CEP70: variants seen among roughly 807,000 people sequenced by gnomAD.
CEP70 encodes centrosomal protein of 70 kDa.
A neutral mutation model predicts 90.9 loss-of-function variants in CEP70; 70 were observed. The ratio of observed to expected loss-of-function variants is 0.77; its 90% confidence interval spans 0.64 to 0.94. The LOEUF is 0.94. Ranked by LOEUF, CEP70 falls within the 40% of genes least tolerant of loss-of-function variation. The probability of loss-of-function intolerance (pLI) is 0.00; values close to 1 mark genes in which losing one functional copy is unlikely to be tolerated. For synonymous variants in CEP70, 220 were observed against 228.3 expected (o/e 0.96, Z 0.33); for missense variants, 648 against 669.0 (o/e 0.97, Z 0.35).
At chr3:138,579,539 T>C (rs559815578) in intron 2 of CEP70, among the ~76,000 whole-genome samples, 2 of 151,752 alleles carry the variant, frequency 1.3e-5, no homozygotes, top group African/African-American at 4.8e-5. Flanking sequence ...CACAGTAGGA[T>C]AGGGCACTGA....
intron 6 of CEP70, among the ~76,000 whole-genome samples, chr3:138,553,082 T>C (rs1267670971): frequency 3.9e-5 from 6 of 151,994 alleles, no homozygotes; most frequent in Non-Finnish European, 8.8e-5. Context: ...CTAGAGGAGA[T>C]GGGTAAATTC....
chr3:138,547,663 A>G (rs2039314001), intron 6 of CEP70, among the ~76,000 whole-genome samples: 1 of 152,150 alleles, frequency 6.6e-6, no homozygotes, highest in Non-Finnish European at 1.5e-5. Flanking sequence ...TCTTGGGCCT[A>G]TTATTAAGTA....
At chr3:138,524,424 C>G (rs2036997667) in intron 11 of CEP70, among the ~76,000 whole-genome samples, 1 of 152,170 alleles carries the variant, frequency 6.6e-6, no homozygotes, top group African/African-American at 2.4e-5. Context: ...AAACTACCAT[C>G]AGAGTGAACA....
chr3:138,524,207 C>T lies in CEP70; in HGVS notation c.944+1283G>A, dbSNP rs200479961. 2.5e-4 allele frequency among the ~76,000 whole-genome samples: 38 copies of T among 151,676 alleles called. No homozygotes were observed. In the East Asian group the frequency reaches 4.1e-3, roughly 16 times the overall value. On this transcript the variant is annotated intron_variant, in intron 11 of 17. Coordinates refer to ENST00000264982, the MANE Select transcript of CEP70 (RefSeq NM_024491.4). ...CTGAAACTGGATTCCTTCCTTACAC[C>T]TTATACAAAAATTAATTCAAGATGG...
intron 6 of CEP70, among the ~76,000 whole-genome samples, chr3:138,542,455 C>T (rs1009713849): frequency 3.9e-5 from 6 of 152,184 alleles, no homozygotes; most frequent in African/African-American, 1.2e-4. Context: ...CGCAGCAAGT[C>T]GGGGGATGTG....
chr3:138,546,960 A>C (rs2039255147), intron 6 of CEP70, among the ~76,000 whole-genome samples: 1 of 152,134 alleles, frequency 6.6e-6, no homozygotes, highest in South Asian at 2.1e-4. Context: ...CCCTCAGAGG[A>C]AAAAAGGTTC....
chr3:138,547,311 A>G (rs763155321), intron 6 of CEP70, among the ~76,000 whole-genome samples: 1 of 152,212 alleles, frequency 6.6e-6, no homozygotes, highest in Non-Finnish European at 1.5e-5. Context: ...TGGATGCGCA[A>G]AACTTCAAAT....
chr3:138,498,399 G>A (rs569240418), intron 16 of CEP70, among the ~76,000 whole-genome samples: 4 of 148,662 alleles, frequency 2.7e-5, no homozygotes, highest in Non-Finnish European at 4.4e-5. Flanking sequence ...GTGCAGTGGC[G>A]CTGTCTCGGC....
intron 10 of CEP70, among the ~76,000 whole-genome samples, chr3:138,527,279 C>T (rs561449945): frequency 2.5e-4 from 38 of 151,608 alleles, no homozygotes; most frequent in African/African-American, 8.2e-4. Context: ...GATCTCACCT[C>T]AGCCTCCTTA....
At chr3:138,590,588 G>A (rs141816100) in intron 2 of CEP70, among the ~76,000 whole-genome samples, 108 of 151,774 alleles carry the variant, frequency 7.1e-4, no homozygotes, top group African/African-American at 2.3e-3. Flanking sequence ...AAACTAGGAG[G>A]CCAGGCTCAC....
intron 6 of CEP70, among the ~76,000 whole-genome samples, chr3:138,567,677 A>G (rs1331100695): frequency 6.6e-6 from 1 of 152,162 alleles, no homozygotes; most frequent in Non-Finnish European, 1.5e-5. Flanking sequence ...CTAGAGACTC[A>G]AAGTCCTTTT....
intron 6 of CEP70, among the ~76,000 whole-genome samples, chr3:138,557,367 A>C (rs1195752637): frequency 6.6e-6 from 1 of 152,184 alleles, no homozygotes; most frequent in Non-Finnish European, 1.5e-5. Context: ...GGCGACATAC[A>C]TCCTCCTCAG....
chr3:138,520,237 G>C (rs1480171732), intron 11 of CEP70, among the ~76,000 whole-genome samples: 1 of 152,104 alleles, frequency 6.6e-6, no homozygotes, highest in Non-Finnish European at 1.5e-5. Flanking sequence ...AATAATGGGA[G>C]ACTTTAACAC....
intron 11 of CEP70, among the ~76,000 whole-genome samples, chr3:138,510,282 A>G (rs951735791): frequency 2.6e-5 from 4 of 151,726 alleles, no homozygotes; most frequent in Non-Finnish European, 4.4e-5. Flanking sequence ...CAAATACAAA[A>G]CTTAGCTGGA....
At chr3:138,497,331 TAA>T (rs539518473) in intron 17 of CEP70, 1,742 of 1,065,410 alleles carry the variant, frequency 1.6e-3, no homozygotes, top group Admixed American at 4.4e-3. Context: ...AGCCATTCTT[TAA>T]AAAAAAAAAA....
intron 7 of CEP70, among the ~76,000 whole-genome samples, chr3:138,533,879 G>A (rs1336654840): frequency 6.6e-6 from 1 of 152,020 alleles, no homozygotes; most frequent in Non-Finnish European, 1.5e-5. Flanking sequence ...CCACCTTCCA[G>A]GTTCACCCCA....
At position 138,529,385 on chromosome 3, in the gene CEP70, C is replaced by G. The variant is rs148750907; in HGVS notation, c.770G>C (p.Gly257Ala). The G allele has an allele frequency of 6.2e-7, 1 of 1,606,528 alleles. No homozygotes were observed. The highest frequency in any genetic ancestry group is 8.5e-7 in the Non-Finnish European group (1 of 1,175,602). ...RNLDASPTYK[G>A]LLMSLQNQLK... Reference sequence around the variant, plus strand: ...ATGCAGTCCCCATACCATTAAAAGGCCTTTATAAGTTGGTGAGGCATCCAG... The same window carrying G: ...ATGCAGTCCCCATACCATTAAAAGGGCTTTATAAGTTGGTGAGGCATCCAG... The change falls in exon 9 of 18, where the codon GGC (glycine) becomes GCC (alanine). Residue 257 changes from glycine (G) to alanine (A), a missense_variant. Coordinates refer to ENST00000264982, the MANE Select transcript of CEP70 (RefSeq NM_024491.4).
At chr3:138,590,766 G>A (rs774326158) in intron 2 of CEP70, among the ~76,000 whole-genome samples, 6 of 151,908 alleles carry the variant, frequency 3.9e-5, no homozygotes, top group Admixed American at 1.3e-4. Flanking sequence ...AGCTGAGATC[G>A]TGCCACTGCA....
intron 17 of CEP70, chr3:138,497,733 A>G: frequency 7.1e-6 from 7 of 985,424 alleles, no homozygotes; most frequent in Non-Finnish European, 8.4e-6. Context: ...TCCTAAGAAT[A>G]TTTCTCATTA....
Sources: gnomAD v4.1 joint callset for allele counts (sites outside exome capture counted in the v4.1 genomes callset) on GRCh38, gnomAD v4.1.1 for gene constraint, MANE v1.5 for transcripts, NCBI Gene and HGNC (gene_info 2026-07-23, HGNC 2026-07-21) for gene names.